Variants in KAZN observed in about 807,000 individuals in gnomAD.
KAZN encodes the protein kazrin, periplakin interacting protein.
KAZN carries 40 observed loss-of-function variants against 87.4 expected under a neutral mutation model. That is an observed-to-expected ratio of 0.46 (90% CI 0.36 to 0.60). The LOEUF (loss-of-function observed/expected upper bound fraction) is 0.60, where lower values mean the gene tolerates loss of function less well. KAZN is among the 20% of genes least tolerant of loss of function. The probability of loss-of-function intolerance (pLI) is 0.00; values close to 1 mark genes in which losing one functional copy is unlikely to be tolerated. For missense variants in KAZN, 898 were observed against 1,073.9 expected, an observed-to-expected ratio of 0.84 and a Z score of 2.29; for synonymous variants, 466 against 458.3, an observed-to-expected ratio of 1.02 and a Z score of -0.22.
At chr1:14,208,608 A>G (rs1646790785) in intron 2 of KAZN, among the ~76,000 whole-genome samples, 1 of 152,218 alleles carries the variant, frequency 6.6e-6, no homozygotes, top group Non-Finnish European at 1.5e-5. Flanking sequence ...GTATAAGAAA[A>G]GAGTAAAGTG....
intron 1 of KAZN, among the ~76,000 whole-genome samples, chr1:14,100,765 T>C (rs571421362): frequency 2.0e-4 from 31 of 152,336 alleles, no homozygotes; most frequent in African/African-American, 7.2e-4. Context: ...GCCAGTCTTA[T>C]CAGTGTGATA....
At chr1:14,960,463 G>T (rs1663706315) in intron 1 of KAZN, among the ~76,000 whole-genome samples, 1 of 152,180 alleles carries the variant, frequency 6.6e-6, no homozygotes, top group Admixed American at 6.5e-5. Flanking sequence ...GGGAGTCGTG[G>T]TGGAGGGGTC....
At chr1:15,024,341 C>T (rs72868352) in intron 2 of KAZN, among the ~76,000 whole-genome samples, 14,208 of 152,206 alleles carry the variant, frequency 0.093, 704 homozygotes, top group African/African-American at 0.12. Flanking sequence ...CATGGAAAAG[C>T]CAGAGCCGGT....
chr1:15,014,928 C>T (rs1363021143), intron 2 of KAZN, among the ~76,000 whole-genome samples: 1 of 152,144 alleles, frequency 6.6e-6, no homozygotes, highest in Non-Finnish European at 1.5e-5. Flanking sequence ...CGCTTCTCTA[C>T]TGTGGGACCT....
rs568472744 is a variant in KAZN at position 14,601,398 on chromosome 1, G to C, written c.226+2175G>C. ...TATCATTTACTTGTCTGTAGCAACAGTACTTGATACATTATTTAGCCTCTG... is the reference window on the plus strand; with the variant it reads ...TATCATTTACTTGTCTGTAGCAACACTACTTGATACATTATTTAGCCTCTG... On this transcript the variant is annotated intron_variant, in intron 1 of 14. Transcript: ENST00000376030. Among the ~76,000 whole-genome samples the C allele has an allele frequency of 2.4e-4, 37 of 152,096 alleles. No individual in the cohort carries two copies. The South Asian group carries it at 7.5e-3, about 31-fold the overall frequency.
intron 1 of KAZN, among the ~76,000 whole-genome samples, chr1:14,661,812 T>C (rs1391658691): frequency 6.6e-6 from 1 of 151,950 alleles, no homozygotes; most frequent in African/African-American, 2.4e-5. Context: ...GCTGCTTGGG[T>C]GGCTGAGGCG....
intron 2 of KAZN, among the ~76,000 whole-genome samples, chr1:14,514,585 T>A (rs1313214761): frequency 0.055 from 2,043 of 36,882 alleles, 90 homozygotes; most frequent in Non-Finnish European, 0.064. Context: ...TTTATATATT[T>A]TTTTATATTT....
At chr1:15,036,278 A>ACCCAGCTCCCCCTGCCCTGCCCG (rs1553177826) in intron 3 of KAZN, among the ~76,000 whole-genome samples, 3 of 57,688 alleles carry the variant, frequency 5.2e-5, no homozygotes, top group Admixed American at 1.8e-4. Flanking sequence ...TGCCCTGCCT[A>ACCCAGCTCCCCCTGCCCTGCCCG]CCCAGCTCCC....
intron 8 of KAZN, among the ~76,000 whole-genome samples, chr1:15,091,911 T>C: frequency 6.6e-6 from 1 of 152,266 alleles, no homozygotes; most frequent in East Asian, 1.9e-4. Flanking sequence ...AGGCAGTAAC[T>C]ATGAACATTT....
At chr1:14,591,173 C>T (rs886225523) in intron 2 of KAZN, among the ~76,000 whole-genome samples, 2 of 104,672 alleles carry the variant, frequency 1.9e-5, no homozygotes, top group African/African-American at 5.8e-5. Context: ...CAAATAGTGC[C>T]CCCCCCCCAT....
At chr1:14,859,875 C>T (rs1650627763) in intron 1 of KAZN, among the ~76,000 whole-genome samples, 1 of 152,210 alleles carries the variant, frequency 6.6e-6, no homozygotes, top group Non-Finnish European at 1.5e-5. Context: ...AAGGATGCGG[C>T]AGTGGGACCA....
At chr1:14,437,711 C>G (rs1181429580) in intron 2 of KAZN, among the ~76,000 whole-genome samples, 1 of 152,152 alleles carries the variant, frequency 6.6e-6, no homozygotes, top group Non-Finnish European at 1.5e-5. Context: ...CATGAGAAGC[C>G]GGGAGGCTCT....
intron 1 of KAZN, among the ~76,000 whole-genome samples, chr1:14,765,551 T>G (rs142255225): frequency 6.6e-6 from 1 of 152,090 alleles, no homozygotes; most frequent in African/African-American, 2.4e-5. Context: ...GGTGTGCAGA[T>G]GTATTGGGAG....
chr1:14,889,961 C>T (rs1654520749), intron 1 of KAZN, among the ~76,000 whole-genome samples: 1 of 152,304 alleles, frequency 6.6e-6, no homozygotes, highest in East Asian at 1.9e-4. Flanking sequence ...AAAGAAGTAC[C>T]TCGTACGCTC....
At chr1:14,833,996 C>CACACACACACAT (rs1647133585) in intron 1 of KAZN, among the ~76,000 whole-genome samples, 1 of 150,170 alleles carries the variant, frequency 6.7e-6, no homozygotes, top group Admixed American at 6.7e-5. Context: ...CACACACACA[C>CACACACACACAT]ACACACACAC....
chr1:15,039,313 T>C (rs984544957), intron 3 of KAZN, among the ~76,000 whole-genome samples: 4 of 152,158 alleles, frequency 2.6e-5, no homozygotes, highest in African/African-American at 9.6e-5. Flanking sequence ...AGAGGCAGGA[T>C]GCAAACCCAG....
intron 1 of KAZN, among the ~76,000 whole-genome samples, chr1:14,801,922 A>G (rs547082498): frequency 8.7e-4 from 132 of 151,934 alleles, no homozygotes; most frequent in African/African-American, 2.6e-3. Flanking sequence ...CTGACCTCGT[A>G]ATCCGCCCGC....
At chr1:14,105,917 T>C (rs1644363743) in intron 1 of KAZN, among the ~76,000 whole-genome samples, 1 of 152,232 alleles carries the variant, frequency 6.6e-6, no homozygotes, top group Non-Finnish European at 1.5e-5. Flanking sequence ...ATGGGAAAGA[T>C]ACTTTTAACC....
At chr1:14,560,150 A>G (rs1674163675) in intron 2 of KAZN, among the ~76,000 whole-genome samples, 2 of 152,124 alleles carry the variant, frequency 1.3e-5, no homozygotes, top group African/African-American at 4.8e-5. Context: ...GCCACCCCAT[A>G]TCTGCCCTCA....
Sources: allele counts gnomAD v4.1 joint callset (sites outside exome capture counted in the v4.1 genomes callset), GRCh38; gene constraint gnomAD v4.1.1; transcripts MANE v1.5; gene names NCBI Gene and HGNC (gene_info 2026-07-23, HGNC 2026-07-21).